Variants in CTNNA3 observed in about 807,000 individuals in gnomAD.
CTNNA3 encodes the protein catenin alpha 3, also known as catenin alpha-3.
CTNNA3 carries 76 observed loss-of-function variants against 95.7 expected under a neutral mutation model. That is an observed-to-expected ratio of 0.79 (90% CI 0.66 to 0.96). The LOEUF is 0.96. Ranked by LOEUF, CTNNA3 falls within the 40% of genes least tolerant of loss-of-function variation. The pLI, the probability that CTNNA3 is intolerant of heterozygous loss-of-function variation, is 0.00. For missense variants in CTNNA3, 1,191 were observed against 1,089.8 expected, an observed-to-expected ratio of 1.09 and a Z score of -1.31; for synonymous variants, 431 against 374.4, an observed-to-expected ratio of 1.15 and a Z score of -1.74.
At chr10:66,282,728 T>G (rs1188035025) in intron 12 of CTNNA3, among the ~76,000 whole-genome samples, 3 of 151,978 alleles carry the variant, frequency 2.0e-5, no homozygotes, top group Admixed American at 2.0e-4. Flanking sequence ...CATTAAGTAT[T>G]ATAGTATCTC....
intron 5 of CTNNA3, among the ~76,000 whole-genome samples, chr10:67,239,532 G>A (rs1196687635): frequency 2.0e-5 from 3 of 152,046 alleles, no homozygotes; most frequent in African/African-American, 4.8e-5. Context: ...TTCAGTTTCT[G>A]GTAATTTTCT....
intron 5 of CTNNA3, among the ~76,000 whole-genome samples, chr10:67,306,674 G>A (rs1377051868): frequency 6.6e-6 from 1 of 152,146 alleles, no homozygotes; most frequent in African/African-American, 2.4e-5. Flanking sequence ...TAGCTCCTCA[G>A]AATTTCTTCT....
intron 1 of CTNNA3, among the ~76,000 whole-genome samples, chr10:67,726,505 T>C (rs1295960020): frequency 1.5e-5 from 1 of 66,280 alleles, no homozygotes; most frequent in Non-Finnish European, 2.5e-5. Context: ...ATATATAATA[T>C]ATTATATATT....
intron 7 of CTNNA3, among the ~76,000 whole-genome samples, chr10:67,039,390 G>C (rs187060792): frequency 2.9e-4 from 44 of 152,220 alleles, no homozygotes; most frequent in African/African-American, 1.0e-3. Flanking sequence ...AGCAGAAAAA[G>C]CCTAGTATTA....
At chr10:66,678,201 A>C (rs1406080303) in intron 9 of CTNNA3, among the ~76,000 whole-genome samples, 2 of 152,158 alleles carry the variant, frequency 1.3e-5, no homozygotes, top group South Asian at 2.1e-4. Flanking sequence ...GAAAGCCTGT[A>C]GGACTACTTA....
intron 5 of CTNNA3, among the ~76,000 whole-genome samples, chr10:67,284,025 T>G (rs1839499777): frequency 6.6e-6 from 1 of 152,208 alleles, no homozygotes; most frequent in South Asian, 2.1e-4. Context: ...TAGTGATTTT[T>G]CAGCAAACCT....
intron 1 of CTNNA3, among the ~76,000 whole-genome samples, chr10:67,709,278 A>G (rs959951906): frequency 5.9e-5 from 9 of 152,230 alleles, no homozygotes; most frequent in Non-Finnish European, 7.3e-5. Context: ...CTAGAAATTC[A>G]GTATATATTA....
chr10:66,545,237 G>A (rs1842000673), intron 10 of CTNNA3, among the ~76,000 whole-genome samples: 1 of 151,856 alleles, frequency 6.6e-6, no homozygotes, highest in Admixed American at 6.6e-5. Context: ...ACCCTTATAT[G>A]CTAATTTTTC....
intron 1 of CTNNA3, among the ~76,000 whole-genome samples, chr10:67,689,296 C>G (rs902185254): frequency 6.6e-6 from 1 of 152,120 alleles, no homozygotes; most frequent in Non-Finnish European, 1.5e-5. Flanking sequence ...TTTTGTTAGG[C>G]CTGCTTGTCT....
intron 16 of CTNNA3, among the ~76,000 whole-genome samples, chr10:65,970,449 CT>C: frequency 6.6e-6 from 1 of 151,918 alleles, no homozygotes. Flanking sequence ...TGTGAATAGC[CT>C]AAACCCCCCA....
At chr10:66,663,407 C>T (rs1433087458) in intron 9 of CTNNA3, among the ~76,000 whole-genome samples, 1 of 150,544 alleles carries the variant, frequency 6.6e-6, no homozygotes, top group African/African-American at 2.4e-5. Flanking sequence ...ATTTTCATGA[C>T]TTTCTCACTT....
chr10:66,613,235 C>A (rs1844390048), intron 10 of CTNNA3, among the ~76,000 whole-genome samples: 1 of 152,064 alleles, frequency 6.6e-6, no homozygotes, highest in African/African-American at 2.4e-5. Context: ...ATGGCCATGA[C>A]TTCTCCTCCA....
intron 11 of CTNNA3, among the ~76,000 whole-genome samples, chr10:66,462,489 C>G (rs926551493): frequency 6.6e-5 from 10 of 152,028 alleles, no homozygotes; most frequent in Non-Finnish European, 1.3e-4. Flanking sequence ...TACATACTTG[C>G]ATTCCTTCAT....
chr10:67,678,936 C>T (rs1445736174), intron 1 of CTNNA3, among the ~76,000 whole-genome samples: 1 of 152,100 alleles, frequency 6.6e-6, no homozygotes, highest in Non-Finnish European at 1.5e-5. Flanking sequence ...AGGTACAAGT[C>T]TCCTCCTCCC....
At position 67,145,450 on chromosome 10, in the gene CTNNA3, T is replaced by G. The variant is rs577319043; in HGVS notation, c.1047+34867A>C. On this transcript the variant is annotated intron_variant, in intron 7 of 17. Coordinates refer to ENST00000433211, the MANE Select transcript of CTNNA3 (RefSeq NM_013266.4). ...AAATTTTTTTAGTTTTTTTTTTTTT[T>G]GATGGAGTCTCAGTTTGTCACCCAG... 7.8e-3 allele frequency among the ~76,000 whole-genome samples: 1,102 copies of G among 140,544 alleles called. 19 individuals carry two copies. The highest frequency in any genetic ancestry group is 0.027 in the African/African-American group (1,043 of 37,956). 92.2% of individuals were successfully genotyped at this position (140,544 alleles called of 152,430 possible).
intron 7 of CTNNA3, among the ~76,000 whole-genome samples, chr10:66,901,784 C>A: frequency 6.6e-6 from 1 of 152,062 alleles, no homozygotes; most frequent in Non-Finnish European, 1.5e-5. Flanking sequence ...ACAAAGAAGG[C>A]CATTACATAA....
intron 7 of CTNNA3, among the ~76,000 whole-genome samples, chr10:66,905,369 G>A (rs1336495090): frequency 6.6e-6 from 1 of 152,108 alleles, no homozygotes; most frequent in Non-Finnish European, 1.5e-5. Flanking sequence ...GGGGCCTATT[G>A]GGGGTTGGAG....
intron 4 of CTNNA3, among the ~76,000 whole-genome samples, chr10:67,538,616 A>AG (rs1840564538): frequency 6.6e-6 from 1 of 151,892 alleles, no homozygotes. Flanking sequence ...AGAAAAGAAA[A>AG]AGAAAGATGC....
At chr10:66,381,888 T>C (rs748729543) in intron 11 of CTNNA3, among the ~76,000 whole-genome samples, 3 of 152,100 alleles carry the variant, frequency 2.0e-5, no homozygotes, top group Non-Finnish European at 2.9e-5. Flanking sequence ...TTAGAAGGTA[T>C]AGTAATCATC....
Sources: gnomAD v4.1 joint callset for allele counts (sites outside exome capture counted in the v4.1 genomes callset) on GRCh38, gnomAD v4.1.1 for gene constraint, MANE v1.5 for transcripts, NCBI Gene and HGNC (gene_info 2026-07-23, HGNC 2026-07-21) for gene names.